The following CAST variants were observed in gnomAD, a reference collection of about 807,000 sequenced individuals.
The protein encoded by CAST is calpastatin.
CAST carries 76 observed loss-of-function variants against 119.6 expected under a neutral mutation model. The observed-to-expected ratio is 0.64, with a 90% CI of 0.53 to 0.77. CAST has a LOEUF of 0.77. CAST is among the 30% of genes least tolerant of loss of function. The pLI is 0.00. For missense variants in CAST, 953 were observed against 946.5 expected (o/e 1.01, Z -0.09); for synonymous variants, 319 against 331.6 (o/e 0.96, Z 0.41).
At chr5:96,425,029 AAAGAAAGAAAG>A in the CAST span, among the ~76,000 whole-genome samples, 1 of 87,220 alleles carries the variant, frequency 1.1e-5, no homozygotes, top group Non-Finnish European at 2.7e-5. Context: ...AGAAAGAAAG[AAAGAAAGAAAG>A]AAAGAAAGAA....
At chr5:96,392,034 AAAAC>A in the CAST span, 1 of 152,178 alleles carries the variant, frequency 6.6e-6, no homozygotes, top group South Asian at 2.1e-4. Flanking sequence ...CAGTTGGAAA[AAAAC>A]AAAAACAAAA....
the CAST span, among the ~76,000 whole-genome samples, chr5:96,270,684 C>G: frequency 4.6e-5 from 7 of 151,800 alleles, no homozygotes; most frequent in Non-Finnish European, 1.0e-4. Flanking sequence ...TGGTGGGGAG[C>G]AACACACACT....
the CAST span, among the ~76,000 whole-genome samples, chr5:96,381,988 A>T: frequency 6.6e-6 from 1 of 152,240 alleles, no homozygotes; most frequent in Non-Finnish European, 1.5e-5. Flanking sequence ...AAATAAATCT[A>T]TACAGCCTGA....
At chr5:96,257,987 T>G in the CAST span, among the ~76,000 whole-genome samples, 1 of 152,212 alleles carries the variant, frequency 6.6e-6, no homozygotes, top group Non-Finnish European at 1.5e-5. Flanking sequence ...AGTAGGCAGA[T>G]TCCAGCCACT....
chr5:96,380,768 T>A, the CAST span, among the ~76,000 whole-genome samples: 1 of 152,164 alleles, frequency 6.6e-6, no homozygotes. Flanking sequence ...TTTTAAAAAA[T>A]TATTGTATGA....
chr5:96,119,286 A>T, the CAST span, among the ~76,000 whole-genome samples: 1 of 152,290 alleles, frequency 6.6e-6, no homozygotes, highest in African/African-American at 2.4e-5. Flanking sequence ...AAAATTTTTA[A>T]AAGTTTTCAG....
At chr5:96,367,230 C>T in the CAST span, among the ~76,000 whole-genome samples, 1 of 152,106 alleles carries the variant, frequency 6.6e-6, no homozygotes. Flanking sequence ...GTCAGTCTGC[C>T]CCTACTGGGG....
the CAST span, among the ~76,000 whole-genome samples, chr5:96,427,323 A>T: frequency 1.3e-5 from 2 of 152,368 alleles, no homozygotes; most frequent in African/African-American, 4.8e-5. Context: ...ATCATGTATT[A>T]ATCTCTAGAA....
chr5:96,599,983 A>AAACAAAACAAAAAAAAT (rs6149126), intron 1 of CAST, among the ~76,000 whole-genome samples: 7 of 149,832 alleles, frequency 4.7e-5, no homozygotes, highest in Non-Finnish European at 7.4e-5. Context: ...AAAAAAAAAA[A>AAACAAAACAAAAAAAAT]CCCTCAAGCT....
intron 1 of CAST, among the ~76,000 whole-genome samples, chr5:96,636,974 G>A (rs1429992740): frequency 6.6e-6 from 1 of 150,396 alleles, no homozygotes. Flanking sequence ...CTGGCAGGGG[G>A]GTCAGAGCTG....
rs372348380 is a variant in CAST at position 96,727,706 on chromosome 5, A to G, written c.378+176A>G. On this transcript the variant is annotated intron_variant, in intron 6 of 31. Transcript: ENST00000675179. ...GTAGAATATATAAAATATAACATTA[A>G]GTCCGTATATTGTTAAAAAGAATAT... Among the ~76,000 whole-genome samples, 18 of 152,152 alleles carry G rather than the reference A, an allele frequency of 1.2e-4. No homozygotes were observed. The highest frequency in any genetic ancestry group is 1.2e-3 in the East Asian group (6 of 5,204).
the CAST span, among the ~76,000 whole-genome samples, chr5:96,460,100 C>T: frequency 7.9e-5 from 12 of 152,088 alleles, no homozygotes; most frequent in Non-Finnish European, 1.6e-4. Flanking sequence ...TGACAAGTAG[C>T]CCTGACGCCA....
the CAST span, among the ~76,000 whole-genome samples, chr5:96,468,774 T>G: frequency 6.6e-6 from 1 of 151,972 alleles, no homozygotes; most frequent in Non-Finnish European, 1.5e-5. Context: ...CTCTTGGGCA[T>G]GTTATTAAGC....
chr5:96,430,571 A>G, the CAST span, among the ~76,000 whole-genome samples: 1 of 152,236 alleles, frequency 6.6e-6, no homozygotes, highest in South Asian at 2.1e-4. Flanking sequence ...ACCTTAATCC[A>G]AGCTTTATCC....
rs116271126 is a variant in CAST at position 96,690,144 on chromosome 5, C to G, written c.139-5692C>G. 6.9e-3 allele frequency among the ~76,000 whole-genome samples: 1,051 copies of G among 152,316 alleles called. 18 individuals are homozygous for G. The highest frequency in any genetic ancestry group is 0.024 in the African/African-American group (987 of 41,568). ...TAATCAGAAAAAAGAACAACAACAA[C>G]AAGCAACTCACTGGAGTGTGCTCAC... On this transcript the variant is annotated intron_variant, in intron 2 of 31. Transcript: ENST00000675179.
At chr5:96,245,424 G>T in the CAST span, among the ~76,000 whole-genome samples, 270 of 152,282 alleles carry the variant, frequency 1.8e-3, 2 homozygotes, top group African/African-American at 6.0e-3. Context: ...TCATAACAGG[G>T]ATCTCATAGG....
the CAST span, chr5:96,423,476 A>G: frequency 6.2e-7 from 1 of 1,613,280 alleles, no homozygotes. Context: ...AAGAAAAACA[A>G]CGAAGCATTG....
At chr5:96,147,658 C>A in the CAST span, among the ~76,000 whole-genome samples, 5 of 152,134 alleles carry the variant, frequency 3.3e-5, no homozygotes, top group African/African-American at 1.2e-4. Context: ...AACAAAAGAA[C>A]AAATAATTTG....
chr5:96,757,979 G>A (rs1434303094), intron 24 of CAST, among the ~76,000 whole-genome samples: 2 of 151,996 alleles, frequency 1.3e-5, no homozygotes, highest in South Asian at 2.1e-4. Context: ...ATGAGCCACC[G>A]CGCCTGGCCT....
Sources: allele counts gnomAD v4.1 joint callset (sites outside exome capture counted in the v4.1 genomes callset), GRCh38; gene constraint gnomAD v4.1.1; transcripts MANE v1.5; gene names NCBI Gene and HGNC (gene_info 2026-07-23, HGNC 2026-07-21).